The following BMERB1 variants were observed in gnomAD, a reference collection of about 807,000 sequenced individuals.
BMERB1 encodes the protein bMERB domain containing 1.
Under a neutral mutation model 23.6 loss-of-function variants are expected in BMERB1, and 12 were observed. The ratio of observed to expected loss-of-function variants is 0.51; its 90% confidence interval spans 0.33 to 0.82. The LOEUF is 0.82. Ranked by LOEUF, BMERB1 falls within the 40% of genes least tolerant of loss-of-function variation. The pLI, the probability that BMERB1 is intolerant of heterozygous loss-of-function variation, is 0.03. For missense variants in BMERB1, 247 were observed against 255.4 expected (o/e 0.97, Z 0.22); for synonymous variants, 122 against 96.6 (o/e 1.26, Z -1.54).
intron 1 of BMERB1, among the ~76,000 whole-genome samples, chr16:15,514,888 G>C (rs2051726458): frequency 6.6e-6 from 1 of 152,116 alleles, no homozygotes; most frequent in Non-Finnish European, 1.5e-5. Flanking sequence ...AGACCATCCT[G>C]GCTAACATGG....
At chr16:15,496,852 T>C (rs888858879) in intron 1 of BMERB1, among the ~76,000 whole-genome samples, 2 of 152,164 alleles carry the variant, frequency 1.3e-5, no homozygotes, top group African/African-American at 4.8e-5. Context: ...AGGGAAATTT[T>C]TTAAAGTGGA....
chr16:15,462,834 T>C (rs774093592), intron 1 of BMERB1, among the ~76,000 whole-genome samples: 4 of 152,126 alleles, frequency 2.6e-5, no homozygotes, highest in Non-Finnish European at 5.9e-5. Context: ...GGTTATTGAT[T>C]TGAAAGATTA....
chr16:15,560,267 G>A (rs1187196171), intron 2 of BMERB1, among the ~76,000 whole-genome samples: 1 of 152,208 alleles, frequency 6.6e-6, no homozygotes, highest in African/African-American at 2.4e-5. Flanking sequence ...CCTTGGAGGT[G>A]GACAAAGGGC....
At chr16:15,526,210 A>G (rs1303426261) in intron 2 of BMERB1, among the ~76,000 whole-genome samples, 6 of 152,196 alleles carry the variant, frequency 3.9e-5, no homozygotes, top group Admixed American at 2.6e-4. Context: ...ACACATGAGC[A>G]TCAGGAGGCA....
Position 15,521,656 on chromosome 16 carries a change from C to T in BMERB1, c.230+6228C>T, listed in dbSNP as rs536055990. On this transcript the variant is annotated intron_variant, in intron 2 of 5. Transcript: ENST00000300006. ...AGTGTGTGTTCCCTTGCTGACTTCCCTTTGCTTGACCCCTGGTTTCCAATG... is the reference window on the plus strand; with the variant it reads ...AGTGTGTGTTCCCTTGCTGACTTCCTTTTGCTTGACCCCTGGTTTCCAATG... Among the ~76,000 whole-genome samples the T allele has an allele frequency of 1.5e-3, 229 of 152,254 alleles. 1 individual carries two copies. The highest frequency in any genetic ancestry group is 2.8e-3 in the Non-Finnish European group (191 of 68,020).
intron 1 of BMERB1, among the ~76,000 whole-genome samples, 188 bp downstream of exon 1, chr16:15,434,947 G>A (rs1371366699): frequency 6.6e-6 from 1 of 152,244 alleles, no homozygotes; most frequent in African/African-American, 2.4e-5. Flanking sequence ...AAAAGGGGGG[G>A]ACCCTCCGGG....
rs544246294 is a variant in BMERB1 at position 15,540,862 on chromosome 16, G to A, written c.230+25434G>A. ...TGACGCCACTTCTGACACCAAATGT[G>A]TTTTTTCTGATACCAAATACGTGCC... On this transcript the variant is annotated intron_variant, in intron 2 of 5. Transcript: ENST00000300006. Among the ~76,000 whole-genome samples the A allele has an allele frequency of 2.0e-5, 3 of 152,282 alleles. No homozygotes were observed. The South Asian group carries it at 6.2e-4, about 32-fold the overall frequency.
At chr16:15,477,503 C>T (rs1343641961) in intron 1 of BMERB1, among the ~76,000 whole-genome samples, 1 of 152,126 alleles carries the variant, frequency 6.6e-6, no homozygotes, top group Non-Finnish European at 1.5e-5. Context: ...TGTTGATGCA[C>T]ACCTGTAGTC....
intron 2 of BMERB1, among the ~76,000 whole-genome samples, chr16:15,533,451 G>A (rs1448210365): frequency 6.6e-6 from 1 of 151,132 alleles, no homozygotes; most frequent in Non-Finnish European, 1.5e-5. Flanking sequence ...CTGGAGTGCA[G>A]TGGTTCAATC....
intron 2 of BMERB1, among the ~76,000 whole-genome samples, chr16:15,520,582 C>A (rs1052644326): frequency 2.0e-5 from 3 of 150,866 alleles, no homozygotes; most frequent in African/African-American, 7.3e-5. Context: ...CTCCCGGGTT[C>A]ACGCCATTCT....
chr16:15,463,827 A>T (rs2051157854), intron 1 of BMERB1, among the ~76,000 whole-genome samples: 1 of 151,468 alleles, frequency 6.6e-6, no homozygotes. Context: ...CAATGTTGGG[A>T]TGCCTCAGCA....
At chr16:15,439,774 T>C (rs1208080946) in intron 1 of BMERB1, among the ~76,000 whole-genome samples, 3 of 152,166 alleles carry the variant, frequency 2.0e-5, no homozygotes, top group Admixed American at 2.0e-4. Flanking sequence ...TGTAATTAAT[T>C]GAGGGAGACA....
intron 2 of BMERB1, among the ~76,000 whole-genome samples, chr16:15,547,214 G>A (rs1349783991): frequency 6.6e-6 from 1 of 151,460 alleles, no homozygotes. Context: ...ATTTCACTAT[G>A]TTGGCCAGGC....
chr16:15,442,809 C>T (rs1279749689), intron 1 of BMERB1, among the ~76,000 whole-genome samples: 1 of 152,146 alleles, frequency 6.6e-6, no homozygotes, highest in Non-Finnish European at 1.5e-5. Flanking sequence ...ATTCTAAGCC[C>T]TCTCTGCCTC....
intron 3 of BMERB1, among the ~76,000 whole-genome samples, chr16:15,575,952 T>C (rs1160204201): frequency 6.6e-6 from 1 of 152,052 alleles, no homozygotes; most frequent in Non-Finnish European, 1.5e-5. Context: ...GTTTTTCTTT[T>C]GATTTAGTTC....
At chr16:15,562,304 A>C (rs1415243136) in intron 2 of BMERB1, among the ~76,000 whole-genome samples, 4 of 103,830 alleles carry the variant, frequency 3.9e-5, no homozygotes, top group Admixed American at 2.8e-4. Context: ...ACTCTTTTTC[A>C]AAAAAAAAAA....
intron 1 of BMERB1, 59 bp from the exon 2 acceptor site, chr16:15,515,246 G>T (rs1051340433): frequency 1.9e-6 from 3 of 1,608,708 alleles, no homozygotes; most frequent in Admixed American, 3.4e-5. Context: ...CCATGTCAGG[G>T]TCTGTCCCAT....
chr16:15,519,661 G>C (rs1170106767), intron 2 of BMERB1, among the ~76,000 whole-genome samples: 1 of 152,116 alleles, frequency 6.6e-6, no homozygotes, highest in Non-Finnish European at 1.5e-5. Flanking sequence ...TGGGATTACA[G>C]GTGTGAGCCA....
chr16:15,555,104 A>G (rs1251724625), intron 2 of BMERB1, among the ~76,000 whole-genome samples: 1 of 152,174 alleles, frequency 6.6e-6, no homozygotes, highest in Non-Finnish European at 1.5e-5. Context: ...TTCAAAAGTC[A>G]ATCCTTGCCT....
Sources: gnomAD v4.1 joint callset for allele counts (sites outside exome capture counted in the v4.1 genomes callset) on GRCh38, gnomAD v4.1.1 for gene constraint, MANE v1.5 for transcripts, NCBI Gene and HGNC (gene_info 2026-07-23, HGNC 2026-07-21) for gene names.